SSPN: variants seen among roughly 807,000 people sequenced by gnomAD.
The protein encoded by SSPN is sarcospan.
In SSPN, 15 loss-of-function variants were observed where a neutral mutation model predicts 19.1. The ratio of observed to expected loss-of-function variants is 0.78; its 90% CI spans 0.52 to 1.21. The LOEUF is 1.21. SSPN is among the 50% of genes most tolerant of loss of function. SSPN has a pLI of 0.00. For missense variants in SSPN, 291 were observed against 314.0 expected (o/e 0.93, Z 0.55); for synonymous variants, 147 against 140.3 (o/e 1.05, Z -0.34).
At chr12:26,147,790 C>T (rs957301312) in intron 1 of SSPN, among the ~76,000 whole-genome samples, 2 of 152,148 alleles carry the variant, frequency 1.3e-5, no homozygotes, top group African/African-American at 4.8e-5. Context: ...TGAATGTGTG[C>T]AGAGCCACAG....
chr12:26,200,316 A>G (rs1367275921), intron 1 of SSPN, among the ~76,000 whole-genome samples: 1 of 152,214 alleles, frequency 6.6e-6, no homozygotes, highest in Non-Finnish European at 1.5e-5. Flanking sequence ...AATGATTAAA[A>G]GTCATGTCAA....
intron 1 of SSPN, among the ~76,000 whole-genome samples, chr12:26,217,338 T>C (rs1195132249): frequency 8.8e-5 from 12 of 136,936 alleles, no homozygotes; most frequent in African/African-American, 3.1e-4. Context: ...TTTGAAGCAA[T>C]TGTGAATGGG....
At chr12:26,185,724 C>G (rs1007575183) in intron 1 of SSPN, among the ~76,000 whole-genome samples, 1 of 152,170 alleles carries the variant, frequency 6.6e-6, no homozygotes, top group Admixed American at 6.5e-5. Flanking sequence ...ACCTGCCGTG[C>G]CAAGTCTGTG....
Position 26,231,220 on chromosome 12 carries a change from C to T in SSPN, c.*144C>T. 8.4e-7 allele frequency: 1 copy of T among 1,195,972 alleles called. No individual in the cohort carries two copies. The allele number at this position is 1,195,972 out of a possible 1,614,324, so 74.1% of individuals were successfully genotyped here. A position where few individuals can be genotyped will look rare whatever the true frequency, so the allele number is the denominator to read the frequency against. On this transcript the variant is annotated 3_prime_UTR_variant, in exon 3 of 3. Coordinates refer to ENST00000242729, the MANE Select transcript of SSPN (RefSeq NM_005086.5). Reference sequence around the variant, plus strand: ...TGAATATTTTTATATTTTTATGAAACAAAAGAGCATTTCTTCAGGTTTCTA... The same window carrying T: ...TGAATATTTTTATATTTTTATGAAATAAAAGAGCATTTCTTCAGGTTTCTA...
At chr12:26,123,778 C>A in intron 1 of SSPN, 1 of 1,369,058 alleles carries the variant, frequency 7.3e-7, no homozygotes, top group Non-Finnish European at 1.0e-6. Context: ...CACTTGGTTA[C>A]TTAAAAACAC....
chr12:26,210,936 T>G (rs1944979116), intron 1 of SSPN, among the ~76,000 whole-genome samples: 1 of 152,148 alleles, frequency 6.6e-6, no homozygotes, highest in African/African-American at 2.4e-5. Flanking sequence ...TTTTACTTTA[T>G]TGCATTGTTT....
Position 26,232,845 on chromosome 12 carries a change from C to A in SSPN, c.*1769C>A, listed in dbSNP as rs553185755. ...ACATTGGAGAGCTTAGAGGATAAGT[C>A]TCTGGAGCAGAATTTATCACACACA... On this transcript the variant is annotated 3_prime_UTR_variant, in exon 3 of 3. Coordinates refer to ENST00000242729, the MANE Select transcript of SSPN (RefSeq NM_005086.5). 350 of 419,070 alleles carry A rather than the reference C, an allele frequency of 8.4e-4. 2 individuals carry two copies. The highest frequency in any genetic ancestry group is 7.4e-3 in the African/African-American group (339 of 45,510). The allele number at this position is 419,070 out of a possible 1,614,324, so 26.0% of individuals were successfully genotyped here.
chr12:26,123,308 T>G lies in SSPN; in HGVS notation c.-31+1156T>G, dbSNP rs1944331762. 4.1e-6 allele frequency: 5 copies of G among 1,211,846 alleles called. No individual in the cohort carries two copies. In the East Asian group the frequency reaches 1.3e-4, roughly 31 times the overall value. 75.1% of individuals were successfully genotyped at this position (1,211,846 alleles called of 1,614,324 possible). ...GTTTTTCCCCAGTATTCAAGTGATA[T>G]AATCCACCAGTTGACGAGAGAAGCG... On this transcript the variant is annotated intron_variant, in intron 1 of 2. Coordinates refer to the SSPN transcript ENST00000538142.
chr12:26,228,989 A>AT (rs1320381484), intron 2 of SSPN, among the ~76,000 whole-genome samples: 2 of 152,022 alleles, frequency 1.3e-5, no homozygotes, highest in East Asian at 3.9e-4. Context: ...CTTAAAAAAA[A>AT]TTTTTTTTAT....
intron 1 of SSPN, among the ~76,000 whole-genome samples, chr12:26,153,400 C>CTT (rs1391737353): frequency 6.6e-6 from 1 of 152,128 alleles, no homozygotes; most frequent in Non-Finnish European, 1.5e-5. Flanking sequence ...CTATCACTGT[C>CTT]TAAGAGTATT....
chr12:26,170,438 A>G (rs904565363), intron 1 of SSPN, among the ~76,000 whole-genome samples: 3 of 152,234 alleles, frequency 2.0e-5, no homozygotes, highest in Middle Eastern at 3.2e-3. Flanking sequence ...TCTTCCTCCA[A>G]TGATATTAAA....
At chr12:26,152,076 A>C (rs942655934) in intron 1 of SSPN, among the ~76,000 whole-genome samples, 2 of 152,196 alleles carry the variant, frequency 1.3e-5, no homozygotes, top group Non-Finnish European at 2.9e-5. Flanking sequence ...TCTAATCTGC[A>C]TTATTGACAT....
At chr12:26,172,579 CG>C (rs1179261473) in intron 1 of SSPN, among the ~76,000 whole-genome samples, 1 of 152,186 alleles carries the variant, frequency 6.6e-6, no homozygotes, top group African/African-American at 2.4e-5. Flanking sequence ...TTTCAATAAA[CG>C]GCATTTGCAT....
chr12:26,126,941 CA>C (rs1944370046), intron 1 of SSPN, among the ~76,000 whole-genome samples: 1 of 152,094 alleles, frequency 6.6e-6, no homozygotes. Context: ...CTCCTATTTC[CA>C]AAAGGTTAGG....
chr12:26,207,399 A>AT (rs1243705283), intron 1 of SSPN, among the ~76,000 whole-genome samples: 1 of 152,134 alleles, frequency 6.6e-6, no homozygotes, highest in Non-Finnish European at 1.5e-5. Flanking sequence ...CTTTTTTATT[A>AT]TTTTTTAAGA....
intron 1 of SSPN, among the ~76,000 whole-genome samples, chr12:26,151,314 A>G (rs942241737): frequency 6.6e-6 from 1 of 152,162 alleles, no homozygotes; most frequent in African/African-American, 2.4e-5. Flanking sequence ...GAAGGAAGTT[A>G]CAGTTCATTC....
intron 1 of SSPN, among the ~76,000 whole-genome samples, chr12:26,199,378 A>G (rs1310746830): frequency 6.6e-6 from 1 of 152,146 alleles, no homozygotes; most frequent in Non-Finnish European, 1.5e-5. Context: ...AGATTCCTGT[A>G]AGGGGGGAAA....
At chr12:26,176,737 T>C (rs1490657972) in intron 1 of SSPN, among the ~76,000 whole-genome samples, 1 of 152,248 alleles carries the variant, frequency 6.6e-6, no homozygotes, top group African/African-American at 2.4e-5. Flanking sequence ...TCTCCCCCAG[T>C]TGCTGAAGTC....
intron 1 of SSPN, among the ~76,000 whole-genome samples, chr12:26,207,360 T>C (rs1944940100): frequency 6.6e-6 from 1 of 152,204 alleles, no homozygotes; most frequent in African/African-American, 2.4e-5. Flanking sequence ...TTCCTAGCTT[T>C]GCTAAATTTT....
Sources: allele counts gnomAD v4.1 joint callset (sites outside exome capture counted in the v4.1 genomes callset), GRCh38; gene constraint gnomAD v4.1.1; transcripts MANE v1.5; gene names NCBI Gene and HGNC (gene_info 2026-07-23, HGNC 2026-07-21).